Variants in KRT6C observed in about 807,000 individuals in gnomAD.
KRT6C encodes the protein keratin 6C.
A neutral mutation model predicts 49.4 loss-of-function variants in KRT6C; 46 were observed. That is an observed-to-expected ratio of 0.93 (90% CI 0.74 to 1.19). KRT6C has a LOEUF of 1.19. KRT6C is among the 50% of genes most tolerant of loss of function. The probability of loss-of-function intolerance (pLI) is 0.00; values close to 1 mark genes in which losing one functional copy is unlikely to be tolerated. For synonymous variants in KRT6C, 236 were observed against 297.1 expected (o/e 0.79, Z 2.12); for missense variants, 552 against 737.5 (o/e 0.75, Z 2.91).
rs200158036 is a variant in KRT6C, at chr12:52,471,709, C to T, written c.779G>A (p.Arg260His). Residue 260 changes from arginine (R) to histidine (H), a missense_variant, in exon 3 of 9, where the codon CGC becomes CAC. By Grantham distance (29) the Arg-to-His change is conservative. Coordinates refer to ENST00000252250, the MANE Select transcript of KRT6C (RefSeq NM_173086.5). ...CACAAATTCATTCTCTGCTGCTGTGCGCTTGTTGATTTCATCCTCATATCT... is the reference window on the plus strand; with the variant it reads ...CACAAATTCATTCTCTGCTGCTGTGTGCTTGTTGATTTCATCCTCATATCT... ...KNKYEDEINKRTAAENEFVTL... is the reference protein window; with the variant it reads ...KNKYEDEINKHTAAENEFVTL... 3.0e-5 allele frequency: 48 copies of T among 1,613,440 alleles called. No individual in the cohort carries two copies. Among genetic ancestry groups the T allele is most frequent in the Middle Eastern group, 1.6e-4 (1 of 6,078 alleles).
At chr12:52,470,698 T>G in intron 5 of KRT6C, 68 bp from the exon 6 acceptor site, 1 of 1,612,516 alleles carries the variant, frequency 6.2e-7, no homozygotes, top group African/African-American at 1.3e-5. Flanking sequence ...GACTTTCACT[T>G]GTGTATCATG....
rs745812718 is a variant in KRT6C at position 52,469,330 on chromosome 12, C to T, written c.1460-33G>A. On this transcript the variant is annotated intron_variant, in intron 8 of 8. Transcript: ENST00000252250. The stretch of plus-strand genomic sequence containing the variant: ...GGGGAGGGGACAAGGACACAAGAAG[C>T]CACGGTGAGCTCATCCTGCCGGCCT... 17 of 1,613,900 alleles carry T rather than the reference C, an allele frequency of 1.1e-5. No individual in the cohort carries two copies. The South Asian group carries it at 1.9e-4, about 18-fold the overall frequency.
chr12:52,470,951 T>C (rs1445502302), intron 5 of KRT6C, among the ~76,000 whole-genome samples, 181 bp downstream of exon 5: 1 of 152,188 alleles, frequency 6.6e-6, no homozygotes, highest in Non-Finnish European at 1.5e-5. Flanking sequence ...CTGCATTGGG[T>C]TCTTTTTCCT....
rs556085231 is a variant in KRT6C at position 52,469,006 on chromosome 12, C to T, written c.*56G>A. 2 of 1,611,906 alleles carry T rather than the reference C, an allele frequency of 1.2e-6. No homozygotes were observed. Among genetic ancestry groups the T allele is most frequent in the South Asian group, 1.1e-5 (1 of 90,946 alleles). Reference sequence around the variant, plus strand: ...GAGGATAGGCAACCTGAGGAGACGGCTCTGCAGCCAGAGAAGGGCCTGAGG... The same window carrying T: ...GAGGATAGGCAACCTGAGGAGACGGTTCTGCAGCCAGAGAAGGGCCTGAGG... On this transcript the variant is annotated 3_prime_UTR_variant, in exon 9 of 9. Coordinates refer to ENST00000252250, the MANE Select transcript of KRT6C (RefSeq NM_173086.5).
intron 5 of KRT6C, among the ~76,000 whole-genome samples, chr12:52,470,923 T>A (rs1565808617): frequency 6.6e-6 from 1 of 152,176 alleles, no homozygotes; most frequent in African/African-American, 2.4e-5. Context: ...TATGTCCTTG[T>A]CTATGGCAGC....
rs1434000520 is a variant in KRT6C, at chr12:52,471,693, A to G, written c.795T>C (p.Asn265=). 3.1e-6 allele frequency: 5 copies of G among 1,613,320 alleles called. No homozygotes were observed. The highest frequency in any genetic ancestry group is 4.2e-6 in the Non-Finnish European group (5 of 1,179,776). The change falls in exon 3 of 9, where the codon AAT becomes AAC. Residue 265 remains asparagine, a synonymous_variant. Transcript: ENST00000252250. ...DEINKRTAAE[N]EFVTLKKDVD... is the part of the protein sequence containing the mutation. ...TCACCTTCTTCAGAGTCACAAATTC[A>G]TTCTCTGCTGCTGTGCGCTTGTTGA...
Position 52,469,801 on chromosome 12 carries a change from C to T in KRT6C, c.1293G>A (p.Glu431=), listed in dbSNP as rs759147517. The T allele has an allele frequency of 1.2e-5, 20 of 1,614,122 alleles. No individual in the cohort carries two copies. The highest frequency in any genetic ancestry group is 2.7e-5 in the African/African-American group (2 of 75,036). ...KDAKNKLEGL[E]DALQKAKQDL... is the part of the protein sequence containing the mutation. ...CCTGCTTGGCCTTCTGCAGGGCATCCTCCAGCCCTTCCAGCTTGTTCTTAG... is the reference window on the plus strand; with the variant it reads ...CCTGCTTGGCCTTCTGCAGGGCATCTTCCAGCCCTTCCAGCTTGTTCTTAG... Residue 431 remains glutamate (E), a synonymous_variant, in exon 7 of 9, where the codon GAG becomes GAA. Transcript: ENST00000252250.
At chr12:52,469,977 C>T in intron 6 of KRT6C, 87 bp from the exon 7 acceptor site, 1 of 1,425,572 alleles carries the variant, frequency 7.0e-7, no homozygotes, top group Non-Finnish European at 9.8e-7. Flanking sequence ...GTCCTGTAAC[C>T]CAAAATTGAC....
At position 52,473,712 on chromosome 12, in the gene KRT6C, C is replaced by T. The variant is rs773845266; in HGVS notation, c.26G>A (p.Arg9Lys). The T allele has an allele frequency of 6.2e-7, 1 of 1,613,838 alleles. No homozygotes were observed. The highest frequency in any genetic ancestry group is 8.5e-7 in the Non-Finnish European group (1 of 1,180,006). MASTSTTI[R>K]SHSSSRRGFS... is the part of the protein sequence containing the mutation. ...ACCCCGGCGGCTGCTGCTGTGGCTC[C>T]TGATGGTGGTGGATGTGCTGGCCAT... The change falls in exon 1 of 9, where the codon AGG (arginine) becomes AAG (lysine). Residue 9 changes from arginine (R) to lysine (K), a missense_variant. By Grantham distance (26) the Arg-to-Lys change is conservative. Around this residue, in one of 3 missense-constraint regions of KRT6C, gnomAD observed 73 missense variants for 102.1 expected, o/e 0.71. Coordinates refer to ENST00000252250, the MANE Select transcript of KRT6C (RefSeq NM_173086.5).
Position 52,468,990 on chromosome 12 carries a change from C to A in KRT6C, c.*72G>T. ...AGACTAGAGGCCAGGAGAGGATAGG[C>A]AACCTGAGGAGACGGCTCTGCAGCC... On this transcript the variant is annotated 3_prime_UTR_variant, in exon 9 of 9. Transcript: ENST00000252250. The A allele has an allele frequency of 1.2e-6, 2 of 1,603,870 alleles. No individual in the cohort carries two copies. Among genetic ancestry groups the A allele is most frequent in the South Asian group, 1.1e-5 (1 of 90,470 alleles).
chr12:52,468,691 T>G lies in KRT6C; in HGVS notation c.*371A>C. The G allele has an allele frequency of 7.2e-6, 2 of 278,916 alleles. No homozygotes were observed. The highest frequency in any genetic ancestry group is 1.4e-5 in the Non-Finnish European group (2 of 146,632). The allele number at this position is 278,916 out of a possible 1,614,324, so 17.3% of individuals were successfully genotyped here. ...AGTTTGGGGGCCAATGGAAAATAAG[T>G]GGAAGTTGTTCTGAAATAAGCCCCA... On this transcript the variant is annotated 3_prime_UTR_variant, in exon 9 of 9. Transcript: ENST00000252250.
At position 52,469,812 on chromosome 12, in the gene KRT6C, C is replaced by T. The variant is rs542254329; in HGVS notation, c.1282G>A (p.Glu428Lys). Residue 428 changes from glutamate (E) to lysine (K), a missense_variant, in exon 7 of 9, where the codon GAA becomes AAA. Glu to Lys is a moderately conservative substitution (Grantham distance 56). Around this residue, in one of 3 missense-constraint regions of KRT6C, gnomAD observed 425 missense variants for 439.4 expected, o/e 0.97. Coordinates refer to ENST00000252250, the MANE Select transcript of KRT6C (RefSeq NM_173086.5). ...MALKDAKNKL[E>K]GLEDALQKAK... Reference sequence around the variant, plus strand: ...TTCTGCAGGGCATCCTCCAGCCCTTCCAGCTTGTTCTTAGCATCCTTGAGT... The same window carrying T: ...TTCTGCAGGGCATCCTCCAGCCCTTTCAGCTTGTTCTTAGCATCCTTGAGT... 6.2e-7 allele frequency: 1 copy of T among 1,614,132 alleles called. No individual in the cohort carries two copies. The highest frequency in any genetic ancestry group is 8.5e-7 in the Non-Finnish European group (1 of 1,179,998).
intron 5 of KRT6C, 43 bp downstream of exon 5, chr12:52,471,089 A>T: frequency 6.2e-7 from 1 of 1,614,128 alleles, no homozygotes; most frequent in Non-Finnish European, 8.5e-7. Context: ...GTATTCCAGG[A>T]TGGACACAAG....
At chr12:52,470,790 T>A (rs1937864549) in intron 5 of KRT6C, among the ~76,000 whole-genome samples, 160 bp from the exon 6 acceptor site, 3 of 151,924 alleles carry the variant, frequency 2.0e-5, no homozygotes, top group Admixed American at 6.6e-5. Flanking sequence ...GATACTAAAC[T>A]CTGGAGTCAC....
Position 52,469,152 on chromosome 12 carries a change from A to G in KRT6C, c.1605T>C (p.Ile535=). 1 of 1,613,980 alleles carries G rather than the reference A, an allele frequency of 6.2e-7. No homozygotes were observed. Among genetic ancestry groups the G allele is most frequent in the Non-Finnish European group, 8.5e-7 (1 of 1,179,896 alleles). Residue 535 remains isoleucine (I), a synonymous_variant, in exon 9 of 9, where the codon ATT becomes ATC. Transcript: ENST00000252250. ...GGFSSSSGRA[I]GGGLSSVGGG... ...CTCCAACAGAGCTGAGGCCACCCCC[A>G]ATGGCTCTGCCACTGCTGGAACTGA...
chr12:52,471,771 G>T (rs766865286), intron 2 of KRT6C, 39 bp from the exon 3 acceptor site: 3 of 1,613,390 alleles, frequency 1.9e-6, no homozygotes, highest in Non-Finnish European at 2.5e-6. Context: ...TGAGCCAGTG[G>T]GTAGGATGAA....
In KRT6C at chr12:52,468,724, T is replaced by G; in HGVS notation, c.*338A>C. The G allele has an allele frequency of 3.1e-6, 1 of 318,120 alleles. No homozygotes were observed. Among genetic ancestry groups the G allele is most frequent in the Non-Finnish European group, 5.9e-6 (1 of 170,932 alleles). 19.7% of individuals were successfully genotyped at this position (318,120 alleles called of 1,614,324 possible). A position where few individuals can be genotyped will look rare whatever the true frequency, so the allele number is the denominator to read the frequency against. On this transcript the variant is annotated 3_prime_UTR_variant, in exon 9 of 9. Transcript: ENST00000252250. ...GTTCTGAAATAAGCCCCAGGCGATT[T>G]TCAGTAATGAAAAGGAACAGAGATC...
At chr12:52,470,443 A>C (rs1218417247) in intron 6 of KRT6C, 62 bp downstream of exon 6, 2 of 1,613,588 alleles carry the variant, frequency 1.2e-6, no homozygotes, top group Non-Finnish European at 1.7e-6. Flanking sequence ...ATAATGGCTA[A>C]TGACTGCCTG....
At position 52,473,534 on chromosome 12, in the gene KRT6C, C is replaced by T; in HGVS notation, c.204G>A (p.Lys68=). Residue 68 remains lysine, a synonymous_variant, in exon 1 of 9, where the codon AAG becomes AAA. Transcript: ENST00000252250. ...AGCTGCCCCCTCCAATGGAGATCCTCTTGGAGCCCCCCAGGCCATACAGAC... is the reference window on the plus strand; with the variant it reads ...AGCTGCCCCCTCCAATGGAGATCCTTTTGGAGCCCCCCAGGCCATACAGAC... ...SRSLYGLGGS[K]RISIGGGSCA... 1.3e-6 allele frequency: 2 copies of T among 1,566,114 alleles called. No individual in the cohort carries two copies. Among genetic ancestry groups the T allele is most frequent in the South Asian group, 2.2e-5 (2 of 89,036 alleles).
Sources: allele counts gnomAD v4.1 joint callset (sites outside exome capture counted in the v4.1 genomes callset), GRCh38; gene constraint gnomAD v4.1.1; regional missense constraint gnomAD v4.1.1; transcripts MANE v1.5; gene names NCBI Gene and HGNC (gene_info 2026-07-23, HGNC 2026-07-21).